Variants in AGAP3 observed in about 807,000 individuals in gnomAD.
AGAP3 encodes the protein arf-GAP with GTPase, ANK repeat and PH domain-containing protein 3.
Under a neutral mutation model 96.9 loss-of-function variants are expected in AGAP3, and 24 were observed. That is an observed-to-expected ratio of 0.25 (90% CI 0.18 to 0.35). The LOEUF (loss-of-function observed/expected upper bound fraction) is 0.35, where lower values mean the gene tolerates loss of function less well. AGAP3 is among the 10% of genes least tolerant of loss of function. The probability of loss-of-function intolerance (pLI) is 1.00; values close to 1 mark genes in which losing one functional copy is unlikely to be tolerated. For missense variants in AGAP3, 876 were observed against 1,254.2 expected (o/e 0.70, Z 4.55); for synonymous variants, 563 against 536.1 (o/e 1.05, Z -0.69).
rs1433682347 is a variant in AGAP3 at position 151,143,120 on chromosome 7, TC to T, written c.2274-219del. On this transcript the variant is annotated intron_variant, in intron 16 of 17. Coordinates refer to ENST00000397238, the MANE Select transcript of AGAP3 (RefSeq NM_031946.7). This position sits in a 1 kb window ranked among gnomAD's most constrained non-coding sequence, Gnocchi z 5.9. The stretch of plus-strand genomic sequence containing the variant: ...CAGGGGGCCTCCCTTCAGTGTCCCT[TC>T]CTTTCAGCTTCTCCCACCCCCCTTT... Among the ~76,000 whole-genome samples, 3 of 152,192 alleles carry T rather than the reference TC, an allele frequency of 2.0e-5. No homozygotes were observed. Among genetic ancestry groups the T allele is most frequent in the Admixed American group, 6.5e-5 (1 of 15,288 alleles).
rs149929668 is a variant in AGAP3, at chr7:151,112,997, G to A, written c.332-3796G>A. Among the ~76,000 whole-genome samples the A allele has an allele frequency of 7.4e-3, 1,120 of 152,310 alleles. 16 individuals are homozygous for A. The highest frequency in any genetic ancestry group is 0.026 in the African/African-American group (1,063 of 41,568). ...GATCCGCCTGCCTCAGCCTCCCAAA[G>A]TGTTGGGATTACAGGTGTGAGCCAC... On this transcript the variant is annotated intron_variant, in intron 1 of 17. Transcript: ENST00000397238.
intron 12 of AGAP3, among the ~76,000 whole-genome samples, chr7:151,138,705 C>A (rs1029827566): frequency 6.6e-6 from 1 of 152,194 alleles, no homozygotes; most frequent in Non-Finnish European, 1.5e-5. Context: ...ATCAGCCTCT[C>A]GGCAGGGGGA....
Position 151,118,049 on chromosome 7 carries a change from A to G in AGAP3, c.707-161A>G, listed in dbSNP as rs1245571047. ...TTGCTGGTTTGCACTCAGTGAGGCC[A>G]TGGAAGGGTTGAAATGAGACCCAGG... On this transcript the variant is annotated intron_variant, in intron 5 of 17. Coordinates refer to ENST00000397238, the MANE Select transcript of AGAP3 (RefSeq NM_031946.7). This position sits in a 1 kb window ranked among gnomAD's most constrained non-coding sequence, Gnocchi z 6.1. The G allele has an allele frequency of 5.9e-6, 6 of 1,024,720 alleles. No individual in the cohort carries two copies. The highest frequency in any genetic ancestry group is 1.4e-6 in the Non-Finnish European group (1 of 710,134). 63.5% of individuals were successfully genotyped at this position (1,024,720 alleles called of 1,614,324 possible). A position where few individuals can be genotyped will look rare whatever the true frequency, so the allele number is the denominator to read the frequency against.
In AGAP3 at chr7:151,134,558, T is replaced by G. The variant is rs1313534445; in HGVS notation, c.1485T>G (p.Gly495=). 6.2e-7 allele frequency: 1 copy of G among 1,610,018 alleles called. No homozygotes were observed. The highest frequency in any genetic ancestry group is 2.2e-5 in the East Asian group (1 of 44,758). The change falls in exon 11 of 18, where the codon GGT becomes GGG. Residue 495 remains glycine (G), a synonymous_variant. Coordinates refer to ENST00000397238, the MANE Select transcript of AGAP3 (RefSeq NM_031946.7). ...LSVERSNTQL[G]GGTGAPHSAS... The stretch of plus-strand genomic sequence containing the variant: ...TGGAGCGGAGTAACACACAGCTGGG[T>G]GGGGGCACAGGTGAGGCGGCTGCTG...
At position 151,142,167 on chromosome 7, in the gene AGAP3, G is replaced by C; in HGVS notation, c.1964G>C (p.Arg655Pro). 6.2e-7 allele frequency: 1 copy of C among 1,613,774 alleles called. No individual in the cohort carries two copies. Among genetic ancestry groups the C allele is most frequent in the Non-Finnish European group, 8.5e-7 (1 of 1,179,954 alleles). The change falls in exon 15 of 18, where the codon CGA (arginine) becomes CCA (proline). Residue 655 changes from arginine to proline, a missense_variant. Arg to Pro is a moderately radical substitution (Grantham distance 103). This residue lies in a region of AGAP3 where 103 missense variants were observed against 183.0 expected (regional missense o/e 0.56). Coordinates refer to ENST00000397238, the MANE Select transcript of AGAP3 (RefSeq NM_031946.7). This position sits in a 1 kb window ranked among gnomAD's most constrained non-coding sequence, Gnocchi z 7.5. ...QGCRSAKDKT[R>P]LGNQNAALAV... ...GTCTCTCCTGCTGTGCGACAGACTC[G>C]ACTGGGGAACCAGAACGCAGCTCTG...
chr7:151,089,999 G>T (rs1321664447), intron 1 of AGAP3: 1 of 152,238 alleles, frequency 6.6e-6, no homozygotes, highest in Non-Finnish European at 1.5e-5. Context: ...CTGACAGCTT[G>T]GGTTTCCTGG....
rs749872593 is a variant in AGAP3 at position 151,142,389 on chromosome 7, A to G, written c.2051-23A>G. ...CTGGTGGCCTGCCTGCTGTCGCTGT[A>G]TCATTCTCCTCTCCTTGCCTAGATC... On this transcript the variant is annotated intron_variant, in intron 15 of 17. Coordinates refer to ENST00000397238, the MANE Select transcript of AGAP3 (RefSeq NM_031946.7). This position sits in a 1 kb window ranked among gnomAD's most constrained non-coding sequence, Gnocchi z 7.5. 4.4e-6 allele frequency: 7 copies of G among 1,608,786 alleles called. No homozygotes were observed. In the Admixed American group the frequency reaches 6.7e-5, roughly 15 times the overall value.
rs6945773 is a variant in AGAP3, at chr7:151,117,952, G to A, written c.706+175G>A. On this transcript the variant is annotated intron_variant, in intron 5 of 17. Coordinates refer to ENST00000397238, the MANE Select transcript of AGAP3 (RefSeq NM_031946.7). ...GTGTCTGAGGGCTTTTGCCCCCACT[G>A]AAACCTGCTGTCCCTGTGACTAGCA... 5,761 of 979,022 alleles carry A rather than the reference G, an allele frequency of 5.9e-3. 214 individuals are homozygous for A. In the African/African-American group the frequency reaches 0.084, roughly 14 times the overall value. 60.6% of individuals were successfully genotyped at this position (979,022 alleles called of 1,614,324 possible).
At chr7:151,127,224 C>T (rs1057156403) in intron 9 of AGAP3, among the ~76,000 whole-genome samples, 1 of 152,204 alleles carries the variant, frequency 6.6e-6, no homozygotes, top group Non-Finnish European at 1.5e-5. Context: ...GTCAGGACCA[C>T]GAGCTGCAGA....
At chr7:151,087,139 A>C in intron 1 of AGAP3, 67 bp downstream of exon 1, 2 of 1,497,122 alleles carry the variant, frequency 1.3e-6, no homozygotes, top group Non-Finnish European at 1.8e-6. Context: ...CGAGGGCTCC[A>C]CAGGCCGTGC....
intron 7 of AGAP3, among the ~76,000 whole-genome samples, chr7:151,119,772 G>T (rs1799781147): frequency 6.6e-6 from 1 of 152,210 alleles, no homozygotes; most frequent in Non-Finnish European, 1.5e-5. Flanking sequence ...AGGGTTTGCT[G>T]CCCTAGTGGG....
At chr7:151,110,213 C>T (rs1291653414) in intron 1 of AGAP3, among the ~76,000 whole-genome samples, 1 of 152,214 alleles carries the variant, frequency 6.6e-6, no homozygotes, top group East Asian at 1.9e-4. Flanking sequence ...CCTGGGAGCA[C>T]AGTGCATGCT....
chr7:151,139,755 TAA>T lies in AGAP3; in HGVS notation c.1667-223_1667-222del, dbSNP rs1410168712. 4.5e-5 allele frequency: 18 copies of T among 395,654 alleles called. No homozygotes were observed. The highest frequency in any genetic ancestry group is 1.3e-3 in the Middle Eastern group (2 of 1,534). The allele number at this position is 395,654 out of a possible 1,614,324, so 24.5% of individuals were successfully genotyped here. ...CCCTTTGCCTCCATCCTGCTCTGCC[TAA>T]GTTTCCTATTCTCTTTCCACATTTT... On this transcript the variant is annotated intron_variant, in intron 12 of 17. Transcript: ENST00000397238. The surrounding 1 kb of genome is among the most constrained non-coding windows in gnomAD (Gnocchi z 4.9).
chr7:151,117,845 G>A, intron 5 of AGAP3, 68 bp downstream of exon 5: 1 of 1,520,320 alleles, frequency 6.6e-7, no homozygotes, highest in South Asian at 1.3e-5. Flanking sequence ...TGGGGGCAGG[G>A]GTGGGCAGGT....
chr7:151,123,890 A>G lies in AGAP3; in HGVS notation c.1221+4A>G. The G allele has an allele frequency of 6.2e-7, 1 of 1,605,108 alleles. No homozygotes were observed. On this transcript the variant is annotated splice_donor_region_variant and intron_variant, in intron 9 of 17. Transcript: ENST00000397238. The stretch of plus-strand genomic sequence containing the variant: ...CCGCGCCATCCCCATCAAGCAGGTC[A>G]GCGCCTCCCTTCCCGTGTGCTCCAG...
chr7:151,114,829 G>C lies in AGAP3; in HGVS notation c.332-1964G>C, dbSNP rs1387192661. 5.3e-5 allele frequency: 56 copies of C among 1,055,872 alleles called. No individual in the cohort carries two copies. The highest frequency in any genetic ancestry group is 6.3e-5 in the Non-Finnish European group (55 of 876,750). 65.4% of individuals were successfully genotyped at this position (1,055,872 alleles called of 1,614,324 possible). On this transcript the variant is annotated intron_variant, in intron 1 of 17. Transcript: ENST00000397238. The surrounding 1 kb of genome is among the most constrained non-coding windows in gnomAD (Gnocchi z 4.4). ...CCCGGGGAGCGGCCCGCCGCTTGCC[G>C]CCGCGCCCACAGCGTCTGCGACTCG...
chr7:151,117,080 C>T lies in AGAP3; in HGVS notation c.391-15C>T. On this transcript the variant is annotated splice_polypyrimidine_tract_variant and intron_variant, in intron 2 of 17. Transcript: ENST00000397238. The stretch of plus-strand genomic sequence containing the variant: ...CCTCTGCCCTCTGACCCACTCACCC[C>T]TTCCTCTCCCGCAGGGCATAGTGGG... 1 of 1,612,352 alleles carries T rather than the reference C, an allele frequency of 6.2e-7. No homozygotes were observed. The highest frequency in any genetic ancestry group is 2.2e-5 in the East Asian group (1 of 44,866).
At chr7:151,098,868 G>A (rs1214799741) in intron 1 of AGAP3, among the ~76,000 whole-genome samples, 1 of 150,300 alleles carries the variant, frequency 6.7e-6, no homozygotes, top group East Asian at 2.1e-4. Flanking sequence ...CGAGTAGCTG[G>A]GATTACAGGT....
At chr7:151,104,004 G>C (rs977744386) in intron 1 of AGAP3, among the ~76,000 whole-genome samples, 14 of 152,106 alleles carry the variant, frequency 9.2e-5, no homozygotes, top group African/African-American at 3.1e-4. Context: ...TAGTGCCGTG[G>C]CGGGGGCGTG....
Sources: allele counts gnomAD v4.1 joint callset (sites outside exome capture counted in the v4.1 genomes callset), GRCh38; gene constraint gnomAD v4.1.1; regional missense constraint gnomAD v4.1.1; non-coding constraint Gnocchi (gnomAD v3.1); transcripts MANE v1.5; gene names NCBI Gene and HGNC (gene_info 2026-07-23, HGNC 2026-07-21).